The following ERCC6L variants were observed in gnomAD, a reference collection of about 807,000 sequenced individuals.
ERCC6L encodes the protein DNA excision repair protein ERCC-6-like.
In ERCC6L, 7 loss-of-function variants were observed where a neutral mutation model predicts 20.1. The observed-to-expected ratio is 0.35, with a 90% CI of 0.20 to 0.65. ERCC6L has a LOEUF of 0.65. Among genes scored for constraint, ERCC6L ranks in the 30% least tolerant of loss-of-function variants. The probability of loss-of-function intolerance (pLI) is 0.69; values close to 1 mark genes in which losing one functional copy is unlikely to be tolerated. For missense variants in ERCC6L, 592 were observed against 892.4 expected (o/e 0.66, Z 4.29); for synonymous variants, 278 against 331.3 (o/e 0.84, Z 1.75).
At chrX:72,211,001 T>C (rs1005713300) in intron 1 of ERCC6L, among the ~76,000 whole-genome samples, 2 of 112,118 alleles carry the variant, frequency 1.8e-5, no homozygotes, top group African/African-American at 6.5e-5. Context: ...GAAAAATAAA[T>C]GCTTTTAATA....
At position 72,208,074 on chromosome X, in the gene ERCC6L, A is replaced by G; in HGVS notation, c.693T>C (p.His231=). The change falls in exon 2 of 2, where the codon CAT becomes CAC. Residue 231 remains histidine, a synonymous_variant. Coordinates refer to ENST00000334463, the MANE Select transcript of ERCC6L (RefSeq NM_017669.4). ...ACTTAGTAGATGAGGTTTTTATTTT[A>G]TGTGCTTCATCGAGGATGACATAGT... is the stretch of plus-strand genomic sequence containing the variant. ...VWDYVILDEA[H]KIKTSSTKSA... is the part of the protein sequence containing the mutation. 5.0e-6 allele frequency: 6 copies of G among 1,211,415 alleles called. No individual in the cohort carries two copies. Among genetic ancestry groups the G allele is most frequent in the Non-Finnish European group, 6.7e-6 (6 of 895,496 alleles).
At position 72,208,478 on chromosome X, in the gene ERCC6L, A is replaced by G; in HGVS notation, c.289T>C (p.Phe97Leu). The G allele has an allele frequency of 8.3e-7, 1 of 1,211,691 alleles. No homozygotes were observed. The highest frequency in any genetic ancestry group is 1.1e-6 in the Non-Finnish European group (1 of 895,376). ...LLYRELHNQL[F>L]EHQKEGIAFL... The stretch of plus-strand genomic sequence containing the variant: ...GCTATGCCTTCCTTCTGGTGCTCAA[A>G]GAGTTGGTTGTGCAGTTCTCGATAA... Residue 97 changes from phenylalanine (F) to leucine (L), a missense_variant, in exon 2 of 2, where the codon TTT becomes CTT. Physicochemically the swap from Phe to Leu is conservative, Grantham distance 22 (BLOSUM62 0). Transcript: ENST00000334463.
Position 72,210,086 on chromosome X carries a change from C to T in ERCC6L, c.69-1388G>A, listed in dbSNP as rs745770776. ...GAGGGGGGGAAGAGATATACAGGGC[C>T]GGGTGCGGTGGCTCATGACTGTGAT... is the stretch of plus-strand genomic sequence containing the variant. On this transcript the variant is annotated intron_variant, in intron 1 of 1. Transcript: ENST00000334463. Among the ~76,000 whole-genome samples, 16 of 108,464 alleles carry T rather than the reference C, an allele frequency of 1.5e-4. No homozygotes were observed. The South Asian group carries it at 5.2e-3, about 35-fold the overall frequency. The allele number at this position is 108,464 out of a possible 115,157, so 94.2% of individuals were successfully genotyped here.
rs146276967 is a variant in ERCC6L, at chrX:72,224,702, G to A, written c.68+14142C>T. ...GGAGGTTGCAGCAAGCCAAGATCACGCCATTGTACTCCAGCCTGGGCAACA... is the reference window on the plus strand; with the variant it reads ...GGAGGTTGCAGCAAGCCAAGATCACACCATTGTACTCCAGCCTGGGCAACA... On this transcript the variant is annotated intron_variant, in intron 1 of 1. Transcript: ENST00000334463. 3.6e-3 allele frequency among the ~76,000 whole-genome samples: 405 copies of A among 111,346 alleles called. 2 individuals are homozygous for A. Among genetic ancestry groups the A allele is most frequent in the African/African-American group, 0.013 (384 of 30,553 alleles).
intron 1 of ERCC6L, among the ~76,000 whole-genome samples, chrX:72,218,601 G>A (rs1325076626): frequency 9.3e-6 from 1 of 108,095 alleles, no homozygotes; most frequent in African/African-American, 3.4e-5. Context: ...TCAAGCGACT[G>A]TCCTGCCTCA....
At chrX:72,229,382 C>G (rs1232398353) in intron 1 of ERCC6L, among the ~76,000 whole-genome samples, 2 of 111,726 alleles carry the variant, frequency 1.8e-5, no homozygotes, top group Non-Finnish European at 3.8e-5. Flanking sequence ...TGCCTGGTGC[C>G]CACCTTTTTC....
chrX:72,230,415 C>G (rs2042976999), intron 1 of ERCC6L, among the ~76,000 whole-genome samples: 2 of 110,839 alleles, frequency 1.8e-5, no homozygotes, highest in African/African-American at 6.6e-5. Context: ...AAACCTCTCC[C>G]TCACACAGAA....
chrX:72,219,009 A>G (rs2147593624), intron 1 of ERCC6L, among the ~76,000 whole-genome samples: 1 of 112,877 alleles, frequency 8.9e-6, no homozygotes, highest in Admixed American at 9.4e-5. Context: ...TGATCCCAGC[A>G]CTTTAGGAGG....
In ERCC6L at chrX:72,208,262, G is replaced by C; in HGVS notation, c.505C>G (p.Pro169Ala). ...TGAAAGGTTTTGACTCTCATTCCTG[G>C]AGTCCACTTGATGAATTCTTTTACC... is the stretch of plus-strand genomic sequence containing the variant. ...TWVKEFIKWT[P>A]GMRVKTFHGP... Residue 169 changes from proline to alanine, a missense_variant, in exon 2 of 2, where the codon CCA becomes GCA. Transcript: ENST00000334463. The C allele has an allele frequency of 8.3e-7, 1 of 1,211,593 alleles. No homozygotes were observed. The highest frequency in any genetic ancestry group is 1.8e-5 in the South Asian group (1 of 56,972).
At chrX:72,213,961 T>C (rs978283972) in intron 1 of ERCC6L, among the ~76,000 whole-genome samples, 2 of 112,376 alleles carry the variant, frequency 1.8e-5, no homozygotes, top group African/African-American at 6.5e-5. Flanking sequence ...GAGTATCTGC[T>C]CCCTGACATG....
Position 72,206,584 on chromosome X carries a change from C to T in ERCC6L, c.2183G>A (p.Gly728Glu), listed in dbSNP as rs763537928. The T allele has an allele frequency of 3.3e-6, 4 of 1,210,957 alleles. No individual in the cohort carries two copies. The highest frequency in any genetic ancestry group is 4.5e-6 in the Non-Finnish European group (4 of 895,311). ...LMEQQRTRNE[G>E]AWLREPVFPS... ...AAATACAGGTTCTCTTAGCCAGGCC[C>T]CCTCATTTCTAGTTCTTTGTTGTTC... is the stretch of plus-strand genomic sequence containing the variant. The change falls in exon 2 of 2, where the codon GGG becomes GAG. Residue 728 changes from glycine (G) to glutamate (E), a missense_variant. Physicochemically the swap from Gly to Glu is moderately conservative, Grantham distance 98. Around this residue, in one of 3 missense-constraint regions of ERCC6L, gnomAD observed 352 missense variants for 402.6 expected, o/e 0.87. Coordinates refer to ENST00000334463, the MANE Select transcript of ERCC6L (RefSeq NM_017669.4).
intron 1 of ERCC6L, among the ~76,000 whole-genome samples, chrX:72,215,508 A>C (rs1414387262): frequency 8.9e-6 from 1 of 111,915 alleles, no homozygotes; most frequent in African/African-American, 3.2e-5. Flanking sequence ...AAGAAGATGG[A>C]TTGATGGAAT....
At chrX:72,223,786 A>C (rs2147598028) in intron 1 of ERCC6L, among the ~76,000 whole-genome samples, 1 of 111,400 alleles carries the variant, frequency 9.0e-6, no homozygotes, top group East Asian at 2.9e-4. Context: ...CCTCCAGACA[A>C]CCCCAAGGGA....
chrX:72,228,756 T>C (rs1256121336), intron 1 of ERCC6L, among the ~76,000 whole-genome samples: 3 of 111,275 alleles, frequency 2.7e-5, no homozygotes, highest in Non-Finnish European at 3.8e-5. Context: ...CTTGTTTTTT[T>C]TTCAATACAA....
chrX:72,207,404 A>G lies in ERCC6L; in HGVS notation c.1363T>C (p.Leu455=), dbSNP rs2042826601. 1 of 1,211,087 alleles carries G rather than the reference A, an allele frequency of 8.3e-7. No individual in the cohort carries two copies. The highest frequency in any genetic ancestry group is 3.0e-5 in the East Asian group (1 of 33,810). The change falls in exon 2 of 2, where the codon TTG becomes CTG. Residue 455 remains leucine (L), a synonymous_variant. Coordinates refer to ENST00000334463, the MANE Select transcript of ERCC6L (RefSeq NM_017669.4). ...ATCATTTTTCCAGATTCTTCCATCA[A>G]TGTGTCATCAGTTACTTGATCAATA... is the stretch of plus-strand genomic sequence containing the variant. The part of the protein sequence containing the change: ...DHIDQVTDDT[L]MEESGKMIFL...
At chrX:72,230,413 C>T (rs763108479) in intron 1 of ERCC6L, among the ~76,000 whole-genome samples, 12 of 110,784 alleles carry the variant, frequency 1.1e-4, no homozygotes, top group Middle Eastern at 4.6e-3. Flanking sequence ...TAAAACCTCT[C>T]CCTCACACAG....
Position 72,238,919 on chromosome X carries a change from G to A in ERCC6L, c.-8C>T. ...CCTTCGGGATGCCTCCATGACCCTC[G>A]GATTGGGTTCCAGTTACCCCGGCGG... On this transcript the variant is annotated 5_prime_UTR_variant, in exon 1 of 2. An upstream open reading frame in the 5' UTR gains an earlier in-frame stop. Transcript: ENST00000334463. 8.4e-7 allele frequency: 1 copy of A among 1,187,746 alleles called. No homozygotes were observed. Among genetic ancestry groups the A allele is most frequent in the Non-Finnish European group, 1.1e-6 (1 of 882,509 alleles).
intron 1 of ERCC6L, among the ~76,000 whole-genome samples, chrX:72,217,610 A>G (rs1207732772): frequency 8.9e-6 from 1 of 111,751 alleles, no homozygotes; most frequent in Non-Finnish European, 1.9e-5. Flanking sequence ...TGAAATATAC[A>G]TATCTTATAT....
chrX:72,205,093 TTAAC>T lies in ERCC6L; in HGVS notation c.3670_3673del (p.Val1224LysfsTer5). 4.1e-6 allele frequency: 5 copies of T among 1,211,744 alleles called. No individual in the cohort carries two copies. The highest frequency in any genetic ancestry group is 5.6e-6 in the Non-Finnish European group (5 of 895,382). Reference sequence around the variant, plus strand: ...ATCTGCACTTTTTATGTCAAGCGCTTTAACTAAGCAGTTTAGGGCCTCCTGGATT... The same window carrying T: ...ATCTGCACTTTTTATGTCAAGCGCTTTAAGCAGTTTAGGGCCTCCTGGATT... On this transcript the variant is annotated frameshift_variant, in exon 2 of 2. Coordinates refer to ENST00000334463, the MANE Select transcript of ERCC6L (RefSeq NM_017669.4). LOFTEE classifies it high-confidence loss of function.
Sources: gnomAD v4.1 joint callset for allele counts (sites outside exome capture counted in the v4.1 genomes callset) on GRCh38, gnomAD v4.1.1 for gene constraint, gnomAD v4.1.1 regional missense constraint, MANE v1.5 for transcripts, NCBI Gene and HGNC (gene_info 2026-07-23, HGNC 2026-07-21) for gene names.